Variants in CCDC22 observed in about 807,000 individuals in gnomAD.
The protein encoded by CCDC22 is CCC complex scaffolding subunit CCDC22.
In CCDC22, 4 loss-of-function variants were observed where a neutral mutation model predicts 53.1. The ratio of observed to expected loss-of-function variants is 0.08; its 90% CI spans 0.04 to 0.17. The LOEUF (loss-of-function observed/expected upper bound fraction) is 0.17. Ranked by LOEUF, CCDC22 falls within the 10% of genes least tolerant of loss-of-function variation. The probability of loss-of-function intolerance (pLI) is 1.00; values close to 1 mark genes in which losing one functional copy is unlikely to be tolerated. For missense variants in CCDC22, 458 were observed against 554.0 expected (o/e 0.83, Z 1.74); for synonymous variants, 222 against 224.4 (o/e 0.99, Z 0.10).
rs1557114927 is a variant in CCDC22, at chrX:49,249,228, G to A, written c.1601G>A (p.Arg534Gln). ...EINSLSGKLD[R>Q]TFAVTDELVF... ...AACTCCCTATCTGGGAAGCTGGACC[G>A]GACGTTTGCGGTGACTGATGAGCTT... The change falls in exon 14 of 17, where the codon CGG becomes CAG. Residue 534 changes from arginine (R) to glutamine (Q), a missense_variant. Physicochemically the swap from Arg to Gln is conservative, Grantham distance 43. Transcript: ENST00000376227. 3.3e-6 allele frequency: 4 copies of A among 1,209,868 alleles called. No homozygotes were observed. The highest frequency in any genetic ancestry group is 3.4e-6 in the Non-Finnish European group (3 of 893,752).
intron 6 of CCDC22, 82 bp from the exon 7 acceptor site, chrX:49,246,649 C>T (rs2065991111): frequency 1.1e-6 from 1 of 876,446 alleles, no homozygotes; most frequent in Admixed American, 4.0e-5. Flanking sequence ...ATACTCTTGT[C>T]AGGGGGTCCT....
In CCDC22 at chrX:49,249,037, T is replaced by C. The variant is rs2066008304; in HGVS notation, c.1539+113T>C. On this transcript the variant is annotated intron_variant, in intron 13 of 16. Transcript: ENST00000376227. Reference sequence around the variant, plus strand: ...TGTCCAGTCACACTCTAACACAGAATAGTCACACACAATCCATCCCAGTCA... The same window carrying C: ...TGTCCAGTCACACTCTAACACAGAACAGTCACACACAATCCATCCCAGTCA... 6.2e-6 allele frequency: 7 copies of C among 1,122,851 alleles called. No homozygotes were observed. The Admixed American group carries it at 1.8e-4, about 29-fold the overall frequency. 92.5% of individuals were successfully genotyped at this position (1,122,851 alleles called of 1,213,427 possible).
At chrX:49,248,593 A>G (rs782283513) in intron 11 of CCDC22, 40 bp from the exon 12 acceptor site, 1 of 1,200,901 alleles carries the variant, frequency 8.3e-7, no homozygotes, top group African/African-American at 1.8e-5. Flanking sequence ...GGCCATCCCT[A>G]TGCTCTGCTC....
intron 2 of CCDC22, among the ~76,000 whole-genome samples, chrX:49,238,940 C>T (rs1251652603): frequency 9.0e-6 from 1 of 111,408 alleles, no homozygotes; most frequent in African/African-American, 3.3e-5. Flanking sequence ...TTCCTGTATT[C>T]AAGAGCTGCA....
intron 1 of CCDC22, among the ~76,000 whole-genome samples, chrX:49,236,239 G>A (rs944944223): frequency 6.7e-5 from 7 of 105,170 alleles, no homozygotes; most frequent in African/African-American, 1.8e-4. Flanking sequence ...ATGGAGTCTC[G>A]CTCTGTCGCC....
Position 49,248,225 on chromosome X carries a change from C to T in CCDC22, c.1127C>T (p.Thr376Ile). ...GAGTGCCGGCACAGCAAGCTCAGTA[C>T]AGCAGAGCGTGAGCAGGCCCTGCGC... ...ESECRHSKLS[T>I]AEREQALRLK... The change falls in exon 10 of 17, where the codon ACA (threonine) becomes ATA (isoleucine). Residue 376 changes from threonine (T) to isoleucine (I), a missense_variant. Physicochemically the swap from Thr to Ile is moderately conservative, Grantham distance 89. Transcript: ENST00000376227. The T allele has an allele frequency of 1.7e-6, 2 of 1,205,476 alleles. No individual in the cohort carries two copies. Among genetic ancestry groups the T allele is most frequent in the Non-Finnish European group, 2.2e-6 (2 of 895,286 alleles).
chrX:49,248,943 G>A lies in CCDC22; in HGVS notation c.1539+19G>A. 4 of 1,203,579 alleles carry A rather than the reference G, an allele frequency of 3.3e-6. No individual in the cohort carries two copies. The highest frequency in any genetic ancestry group is 4.5e-6 in the Non-Finnish European group (4 of 891,409). ...CACCAAGGTACACTGCCAGGGCCAT[G>A]GAGGGTGGGTCATGTGGGCTGTCAG... On this transcript the variant is annotated intron_variant, in intron 13 of 16. Coordinates refer to ENST00000376227, the MANE Select transcript of CCDC22 (RefSeq NM_014008.5).
At chrX:49,241,872 C>A in intron 2 of CCDC22, 144 bp from the exon 3 acceptor site, 1 of 575,775 alleles carries the variant, frequency 1.7e-6, no homozygotes, top group Admixed American at 3.0e-5. Flanking sequence ...GTGACTCCCC[C>A]CAGGGCCCAG....
intron 13 of CCDC22, 76 bp from the exon 14 acceptor site, chrX:49,249,091 T>C: frequency 8.9e-7 from 1 of 1,124,132 alleles, no homozygotes; most frequent in South Asian, 1.9e-5. Flanking sequence ...AGTCCCTGTC[T>C]GGTACACATG....
intron 16 of CCDC22, 26 bp from the exon 17 acceptor site, chrX:49,250,121 AG>A: frequency 2.2e-6 from 2 of 917,258 alleles, no homozygotes; most frequent in Non-Finnish European, 1.6e-6. Context: ...GTGTGTGCTG[AG>A]GGGGCATGTG....
At chrX:49,243,519 C>T (rs2065974741) in intron 6 of CCDC22, 57 bp downstream of exon 6, 1 of 962,393 alleles carries the variant, frequency 1.0e-6, no homozygotes. Context: ...GACACTCCCG[C>T]TGGTCCTCTG....
chrX:49,241,665 A>G (rs1187158500), intron 2 of CCDC22, among the ~76,000 whole-genome samples: 2 of 111,327 alleles, frequency 1.8e-5, no homozygotes, highest in Admixed American at 9.5e-5. Context: ...TACCTATGAT[A>G]TGGGCTCCAA....
chrX:49,248,183 C>T lies in CCDC22; in HGVS notation c.1093-8C>T. On this transcript the variant is annotated splice_polypyrimidine_tract_variant and splice_region_variant and intron_variant, in intron 9 of 16. Coordinates refer to ENST00000376227, the MANE Select transcript of CCDC22 (RefSeq NM_014008.5). The stretch of plus-strand genomic sequence containing the variant: ...GCTGTGGCATGTGACTGGGTATCCA[C>T]CGGCCAGGCAGAGTCTGAGTGCCGG... 8.3e-7 allele frequency: 1 copy of T among 1,200,920 alleles called. No homozygotes were observed. Among genetic ancestry groups the T allele is most frequent in the South Asian group, 1.8e-5 (1 of 56,917 alleles).
intron 2 of CCDC22, chrX:49,239,372 G>A (rs2065953338): frequency 1.9e-6 from 1 of 518,553 alleles, no homozygotes; most frequent in Non-Finnish European, 2.4e-6. Context: ...TTAAACATGA[G>A]TTAATGTGTG....
In CCDC22 at chrX:49,247,482, G is replaced by C. The variant is rs926510206; in HGVS notation, c.910-14G>C. On this transcript the variant is annotated splice_polypyrimidine_tract_variant and intron_variant, in intron 7 of 16. Transcript: ENST00000376227. ...TTCCCTGGCAGCCAGGATGCCCCTCGTCACTCCCCTTAGGAGCCCCAGGCC... is the reference window on the plus strand; with the variant it reads ...TTCCCTGGCAGCCAGGATGCCCCTCCTCACTCCCCTTAGGAGCCCCAGGCC... 1.7e-6 allele frequency: 2 copies of C among 1,186,705 alleles called. No individual in the cohort carries two copies. The highest frequency in any genetic ancestry group is 3.7e-5 in the South Asian group (2 of 53,767).
In CCDC22 at chrX:49,247,570, G is replaced by A; in HGVS notation, c.972+12G>A. On this transcript the variant is annotated intron_variant, in intron 8 of 16. Transcript: ENST00000376227. The stretch of plus-strand genomic sequence containing the variant: ...GGCGGCCTGAACAGGTGAGCAGAGT[G>A]GTTTGGAGGGGGGTGTCCCAGGCCC... The A allele has an allele frequency of 8.4e-7, 1 of 1,193,872 alleles. No homozygotes were observed. Among genetic ancestry groups the A allele is most frequent in the Non-Finnish European group, 1.1e-6 (1 of 886,535 alleles).
intron 1 of CCDC22, among the ~76,000 whole-genome samples, chrX:49,236,315 C>T (rs1353245873): frequency 9.2e-6 from 1 of 108,977 alleles, no homozygotes; most frequent in Non-Finnish European, 1.9e-5. Context: ...TCAAGTGATT[C>T]TCCTGCCTCA....
chrX:49,240,303 G>A (rs1227358675), intron 2 of CCDC22, among the ~76,000 whole-genome samples: 1 of 104,901 alleles, frequency 9.5e-6, no homozygotes, highest in African/African-American at 3.5e-5. Flanking sequence ...TGTAATTCCA[G>A]CACTTTGGGA....
chrX:49,249,539 G>T lies in CCDC22; in HGVS notation c.1666G>T (p.Ala556Ser). ...DAKKDDAVRK[A>S]YKYLAALHEN... Reference sequence around the variant, plus strand: ...CAAGAAGGACGATGCTGTTCGGAAGGCCTATAAGTATCTAGCTGCTCTGCA... The same window carrying T: ...CAAGAAGGACGATGCTGTTCGGAAGTCCTATAAGTATCTAGCTGCTCTGCA... Residue 556 changes from alanine (A) to serine (S), a missense_variant, in exon 15 of 17, where the codon GCC becomes TCC. Physicochemically the swap from Ala to Ser is moderately conservative, Grantham distance 99. This residue lies in a region of CCDC22 where 48 missense variants were observed against 83.4 expected (regional missense o/e 0.58). Transcript: ENST00000376227. The T allele has an allele frequency of 1.7e-6, 2 of 1,147,626 alleles. No individual in the cohort carries two copies. Among genetic ancestry groups the T allele is most frequent in the Non-Finnish European group, 2.3e-6 (2 of 860,829 alleles). The allele number at this position is 1,147,626 out of a possible 1,213,427, so 94.6% of individuals were successfully genotyped here.
Sources: allele counts gnomAD v4.1 joint callset (sites outside exome capture counted in the v4.1 genomes callset), GRCh38; gene constraint gnomAD v4.1.1; regional missense constraint gnomAD v4.1.1; transcripts MANE v1.5; gene names NCBI Gene and HGNC (gene_info 2026-07-23, HGNC 2026-07-21).